Variants in CHUK observed in about 807,000 individuals in gnomAD.
CHUK encodes component of inhibitor of nuclear factor kappa B kinase complex.
A neutral mutation model predicts 104.8 loss-of-function variants in CHUK; 35 were observed. The ratio of observed to expected loss-of-function variants is 0.33; its 90% CI spans 0.26 to 0.44. CHUK has a LOEUF of 0.44. Among genes scored for constraint, CHUK ranks in the 20% least tolerant of loss-of-function variants. The pLI, the probability that CHUK is intolerant of heterozygous loss-of-function variation, is 1.00. For synonymous variants in CHUK, 276 were observed against 291.9 expected, an observed-to-expected ratio of 0.95 and a Z score of 0.56; for missense variants, 663 against 902.7, an observed-to-expected ratio of 0.73 and a Z score of 3.40.
In CHUK at chr10:100,218,245, G is replaced by A. The variant is rs1485653815; in HGVS notation, c.798-115C>T. ...ATTTTCTTTCCCACATCACTTGTCT[G>A]TACCATTTCATAAATTACTTTCAAA... On this transcript the variant is annotated intron_variant, in intron 8 of 20. Transcript: ENST00000370397. 16 of 885,534 alleles carry A rather than the reference G, an allele frequency of 1.8e-5. No individual in the cohort carries two copies. The Admixed American group carries it at 2.1e-4, about 12-fold the overall frequency. 54.9% of individuals were successfully genotyped at this position (885,534 alleles called of 1,614,324 possible). A position where few individuals can be genotyped will look rare whatever the true frequency, so the allele number is the denominator to read the frequency against.
intron 2 of CHUK, among the ~76,000 whole-genome samples, chr10:100,225,328 C>T (rs1846080923): frequency 6.6e-6 from 1 of 152,208 alleles, no homozygotes; most frequent in Admixed American, 6.5e-5. Context: ...CTAGGTACCA[C>T]ACATAAGTGG....
chr10:100,202,883 C>A (rs1380977322), intron 13 of CHUK, among the ~76,000 whole-genome samples: 1 of 151,986 alleles, frequency 6.6e-6, no homozygotes, highest in East Asian at 1.9e-4. Flanking sequence ...CCCACCTTAG[C>A]CTCCTGAATA....
At position 100,219,331 on chromosome 10, in the gene CHUK, T is replaced by A. The variant is rs373838651; in HGVS notation, c.503A>T (p.Tyr168Phe). 1.3e-6 allele frequency: 2 copies of A among 1,588,662 alleles called. No individual in the cohort carries two copies. Among genetic ancestry groups the A allele is most frequent in the African/African-American group, 2.7e-5 (2 of 74,436 alleles). Residue 168 changes from tyrosine to phenylalanine, a missense_variant, in exon 6 of 21, where the codon TAT (tyrosine) becomes TTT (phenylalanine). Transcript: ENST00000370397. ...ACTTCCTTGATCAACATCTTTGGCA[T>A]ATCCCAGATCAATTATTTTATGTAT... ...KIIHKIIDLG[Y>F]AKDVDQGSLC... is the part of the protein sequence containing the mutation.
intron 4 of CHUK, among the ~76,000 whole-genome samples, chr10:100,221,539 T>C (rs1034863101): frequency 6.6e-6 from 1 of 152,116 alleles, no homozygotes; most frequent in Non-Finnish European, 1.5e-5. Context: ...GGGAGAGAAA[T>C]TGAGTAAGGT....
chr10:100,200,293 C>T (rs1377440524), intron 15 of CHUK, among the ~76,000 whole-genome samples: 1 of 152,012 alleles, frequency 6.6e-6, no homozygotes, highest in Non-Finnish European at 1.5e-5. Flanking sequence ...ACCTATAATT[C>T]GAGAAAATAT....
intron 9 of CHUK, among the ~76,000 whole-genome samples, chr10:100,213,467 T>C (rs984807499): frequency 1.4e-5 from 2 of 148,046 alleles, no homozygotes; most frequent in Non-Finnish European, 3.0e-5. Flanking sequence ...GCCTGGGTGA[T>C]AGAACAAGAC....
At chr10:100,221,457 T>C (rs1845984994) in intron 4 of CHUK, among the ~76,000 whole-genome samples, 1 of 150,384 alleles carries the variant, frequency 6.6e-6, no homozygotes, top group East Asian at 2.0e-4. Context: ...CAAAAAAGAG[T>C]TGACTTGAGG....
intron 9 of CHUK, among the ~76,000 whole-genome samples, chr10:100,210,087 ATTTAT>A (rs1564836533): frequency 7.7e-6 from 1 of 129,418 alleles, no homozygotes; most frequent in Admixed American, 7.6e-5. Context: ...TTATTTATTT[ATTTAT>A]TTTTTTTTTT....
intron 9 of CHUK, among the ~76,000 whole-genome samples, chr10:100,217,483 C>T (rs1190274737): frequency 6.6e-6 from 1 of 152,082 alleles, no homozygotes; most frequent in African/African-American, 2.4e-5. Flanking sequence ...AAAAAAGTTG[C>T]TTCAAAGGAG....
downstream of CHUK, chr10:100,187,106 G>A (rs867059949): frequency 3.3e-5 from 5 of 152,484 alleles, no homozygotes; most frequent in Middle Eastern, 3.4e-3. Flanking sequence ...ATCCGGCTTG[G>A]TTCCTAACAG....
chr10:100,205,075 C>G lies in CHUK; in HGVS notation c.1355+1G>C. On this transcript the variant is annotated splice_donor_variant, in intron 12 of 20. Transcript: ENST00000370397. LOFTEE classifies it high-confidence loss of function. ...GCTTATAAACAACAGAATCCACTTA[C>G]ATTGCTGCCCTTTGTCCCTGAAAGA... 1 of 1,614,150 alleles carries G rather than the reference C, an allele frequency of 6.2e-7. No individual in the cohort carries two copies. The highest frequency in any genetic ancestry group is 8.5e-7 in the Non-Finnish European group (1 of 1,180,002).
chr10:100,219,756 T>C (rs1195740332), intron 5 of CHUK, among the ~76,000 whole-genome samples: 1 of 152,022 alleles, frequency 6.6e-6, no homozygotes, highest in African/African-American at 2.4e-5. Context: ...ACTTCCAAAC[T>C]TGAAGAAGCA....
intron 14 of CHUK, among the ~76,000 whole-genome samples, 161 bp from the exon 15 acceptor site, chr10:100,200,941 A>G (rs1342228446): frequency 6.6e-6 from 1 of 152,210 alleles, no homozygotes; most frequent in Non-Finnish European, 1.5e-5. Context: ...TATTCTTCAG[A>G]TTCTGACACT....
chr10:100,199,852 G>A, intron 16 of CHUK, 119 bp downstream of exon 16: 1 of 780,456 alleles, frequency 1.3e-6, no homozygotes. Context: ...TACCAAAACT[G>A]GAATTTATTC....
rs1400207944 is a variant in CHUK at position 100,188,969 on chromosome 10, A to T, written c.*629T>A. 6.6e-6 allele frequency: 1 copy of T among 152,270 alleles called. No homozygotes were observed. Among genetic ancestry groups the T allele is most frequent in the Non-Finnish European group, 1.5e-5 (1 of 68,064 alleles). 9.4% of individuals were successfully genotyped at this position (152,270 alleles called of 1,614,324 possible). Reference sequence around the variant, plus strand: ...CAACATGATTTATGAAAGCCAACTAATATTAGAAGCACAGATACACAATCC... The same window carrying T: ...CAACATGATTTATGAAAGCCAACTATTATTAGAAGCACAGATACACAATCC... On this transcript the variant is annotated 3_prime_UTR_variant, in exon 21 of 21. Transcript: ENST00000370397.
chr10:100,188,289 G>A (rs192034122), downstream of CHUK: 23 of 152,542 alleles, frequency 1.5e-4, 1 homozygote, highest in East Asian at 3.7e-3. Flanking sequence ...CCACTTCATG[G>A]AACCTTCATA....
chr10:100,203,048 C>T (rs1413909976), intron 13 of CHUK, among the ~76,000 whole-genome samples: 1 of 152,130 alleles, frequency 6.6e-6, no homozygotes, highest in East Asian at 1.9e-4. Flanking sequence ...CGTGAGTCAC[C>T]ACCTGGCCAG....
chr10:100,229,007 A>G (rs1846172462), intron 1 of CHUK, among the ~76,000 whole-genome samples: 1 of 149,674 alleles, frequency 6.7e-6, no homozygotes, highest in South Asian at 2.1e-4. Flanking sequence ...ACACACACAC[A>G]CACACACACA....
chr10:100,212,176 C>T (rs537295685), intron 9 of CHUK, among the ~76,000 whole-genome samples: 1 of 152,294 alleles, frequency 6.6e-6, no homozygotes, highest in East Asian at 1.9e-4. Context: ...AGCCACCATG[C>T]CCGGCCAGTA....
Sources: allele counts gnomAD v4.1 joint callset (sites outside exome capture counted in the v4.1 genomes callset), GRCh38; gene constraint gnomAD v4.1.1; transcripts MANE v1.5; gene names NCBI Gene and HGNC (gene_info 2026-07-23, HGNC 2026-07-21).